The following ZNF469 variants were observed in gnomAD, a reference collection of about 807,000 sequenced individuals.
ZNF469 encodes zinc finger protein 469.
ZNF469 carries 1 observed loss-of-function variant against 1.0 expected under a neutral mutation model. The observed-to-expected ratio is 1.00, with a 90% CI of 0.35 to 4.73. The LOEUF (loss-of-function observed/expected upper bound fraction) is 4.73. Ranked by LOEUF, ZNF469 falls within the 30% of genes most tolerant of loss-of-function variation. ZNF469 has a pLI of 0.16. For missense variants in ZNF469, 6,100 were observed against 5,356.3 expected, an observed-to-expected ratio of 1.14 and a Z score of -4.33; for synonymous variants, 2,703 against 2,363.4, an observed-to-expected ratio of 1.14 and a Z score of -4.17.
intron 1 of ZNF469, among the ~76,000 whole-genome samples, chr16:88,422,263 G>C (rs867509693): frequency 7.2e-6 from 1 of 139,662 alleles, no homozygotes; most frequent in Non-Finnish European, 1.6e-5. Context: ...GGATGGATGG[G>C]TGGATGGATA....
chr16:88,255,239 C>G, the ZNF469 span, among the ~76,000 whole-genome samples: 1 of 152,298 alleles, frequency 6.6e-6, no homozygotes, highest in African/African-American at 2.4e-5. Flanking sequence ...TCATTCATTC[C>G]TCAAACATTT....
At chr16:88,314,555 G>T in the ZNF469 span, among the ~76,000 whole-genome samples, 1 of 149,874 alleles carries the variant, frequency 6.7e-6, no homozygotes, top group African/African-American at 2.5e-5. Flanking sequence ...TGCTGGTGTG[G>T]ACTGTCATCT....
At chr16:88,193,003 ATGGTGGTGATGGTGG>A in the ZNF469 span, among the ~76,000 whole-genome samples, 3 of 106,442 alleles carry the variant, frequency 2.8e-5, no homozygotes, top group African/African-American at 4.0e-5. Flanking sequence ...GGTGGTGGTG[ATGGTGGTGATGGTGG>A]TGGTGGTGAT....
At chr16:88,398,280 C>T (rs1204239527) in intron 1 of ZNF469, among the ~76,000 whole-genome samples, 1 of 152,202 alleles carries the variant, frequency 6.6e-6, no homozygotes, top group African/African-American at 2.4e-5. Flanking sequence ...CAAAGGGAAA[C>T]GTGAACCACA....
chr16:88,187,770 T>G, the ZNF469 span, among the ~76,000 whole-genome samples: 1 of 151,528 alleles, frequency 6.6e-6, no homozygotes, highest in Non-Finnish European at 1.5e-5. Flanking sequence ...GAATGCTGTA[T>G]TAAAATGCAG....
the ZNF469 span, among the ~76,000 whole-genome samples, chr16:88,158,038 C>G: frequency 2.0e-5 from 3 of 151,982 alleles, no homozygotes. Flanking sequence ...GGTCCTGCTG[C>G]GGGGATGCTC....
In ZNF469 at chr16:88,432,671, A is replaced by C; in HGVS notation, c.5201A>C (p.Asp1734Ala). ...AGCAAGCAGCCTGGCCCACAGCTGG[A>C]TGCCGGGAGTTTAGCAAAGTGCAGC... ...EPSKQPGPQL[D>A]AGSLAKCSPD... Residue 1734 changes from aspartate to alanine, a missense_variant, in exon 3 of 3, where the codon GAT becomes GCT. Transcript: ENST00000565624. 1 of 1,550,440 alleles carries C rather than the reference A, an allele frequency of 6.4e-7. No individual in the cohort carries two copies. Among genetic ancestry groups the C allele is most frequent in the South Asian group, 1.2e-5 (1 of 84,058 alleles).
chr16:88,244,140 CATGGGTGG>C, the ZNF469 span, among the ~76,000 whole-genome samples: 1 of 96,788 alleles, frequency 1.0e-5, no homozygotes, highest in Non-Finnish European at 2.1e-5. Flanking sequence ...TGGATGGGTG[CATGGGTGG>C]ATGGGTGGAT....
chr16:88,284,551 T>C, the ZNF469 span, among the ~76,000 whole-genome samples: 2 of 143,500 alleles, frequency 1.4e-5, no homozygotes, highest in Admixed American at 1.5e-4. Context: ...GTCAAGGCTG[T>C]AGTGAGCTGT....
the ZNF469 span, among the ~76,000 whole-genome samples, chr16:88,256,928 T>G: frequency 7.3e-5 from 1 of 13,768 alleles, no homozygotes; most frequent in Non-Finnish European, 1.3e-4. Context: ...CTTTCTTTCT[T>G]TCTTTCTTTC....
the ZNF469 span, among the ~76,000 whole-genome samples, chr16:88,204,156 G>A: frequency 6.6e-5 from 10 of 150,702 alleles, no homozygotes; most frequent in South Asian, 6.3e-4. Flanking sequence ...TAGAGCAGCC[G>A]GAGGCGCCCC....
chr16:88,392,210 C>T (rs746842744), intron 1 of ZNF469, among the ~76,000 whole-genome samples: 9 of 152,278 alleles, frequency 5.9e-5, no homozygotes, highest in Non-Finnish European at 1.0e-4. Flanking sequence ...CAGGAAGTCG[C>T]GTGCGCTCTG....
At chr16:88,415,478 C>G (rs1034427534) in intron 1 of ZNF469, among the ~76,000 whole-genome samples, 1 of 152,240 alleles carries the variant, frequency 6.6e-6, no homozygotes, top group African/African-American at 2.4e-5. Context: ...AGTGCTGTGC[C>G]CATTTTACAG....
Position 88,427,819 on chromosome 16 carries a change from C to G in ZNF469, c.349C>G (p.Pro117Ala), listed in dbSNP as rs754318367. Residue 117 changes from proline to alanine, a missense_variant, in exon 3 of 3, where the codon CCA (proline) becomes GCA (alanine). Pro to Ala is a conservative substitution (Grantham distance 27). Transcript: ENST00000565624. ...RLAGRAEGSP[P>A]QRYILGIASS... is the part of the protein sequence containing the mutation. ...GGCGGGCAGGGCAGAGGGCAGCCCC[C>G]CACAGCGCTACATTCTGGGCATCGC... 13 of 1,548,522 alleles carry G rather than the reference C, an allele frequency of 8.4e-6. No individual in the cohort carries two copies. Among genetic ancestry groups the G allele is most frequent in the Middle Eastern group, 3.3e-4 (2 of 5,990 alleles).
the ZNF469 span, among the ~76,000 whole-genome samples, chr16:88,278,599 G>A: frequency 7.8e-6 from 1 of 128,678 alleles, no homozygotes; most frequent in Non-Finnish European, 1.7e-5. Context: ...GCTGTGCCAC[G>A]CTGACACTCG....
the ZNF469 span, among the ~76,000 whole-genome samples, chr16:88,341,908 G>A: frequency 6.6e-6 from 1 of 152,242 alleles, no homozygotes; most frequent in Non-Finnish European, 1.5e-5. Flanking sequence ...GGCCATCTGG[G>A]AAGGCCGTGA....
chr16:88,430,843 G>A lies in ZNF469; in HGVS notation c.3373G>A (p.Glu1125Lys), dbSNP rs2142303892. Residue 1125 changes from glutamate (E) to lysine (K), a missense_variant, in exon 3 of 3, where the codon GAG becomes AAG. By Grantham distance (56) the Glu-to-Lys change is moderately conservative. Coordinates refer to ENST00000565624, the MANE Select transcript of ZNF469 (RefSeq NM_001367624.2). ...RGRGEKRKEV[E>K]LTQGPREDEP... ...CCGAGGCGAGAAGAGGAAGGAAGTG[G>A]AGCTGACCCAGGGTCCCAGAGAGGA... The A allele has an allele frequency of 6.5e-7, 1 of 1,536,140 alleles. No individual in the cohort carries two copies. Among genetic ancestry groups the A allele is most frequent in the East Asian group, 2.5e-5 (1 of 40,806 alleles).
chr16:88,370,360 G>C, the ZNF469 span, among the ~76,000 whole-genome samples: 4 of 152,142 alleles, frequency 2.6e-5, no homozygotes, highest in Admixed American at 6.5e-5. Context: ...CCACCTCATG[G>C]TGGGCCCCTC....
At chr16:88,409,518 G>A (rs950742054) in intron 1 of ZNF469, among the ~76,000 whole-genome samples, 9 of 152,288 alleles carry the variant, frequency 5.9e-5, no homozygotes, top group African/African-American at 1.9e-4. Flanking sequence ...GGCAGCAGCC[G>A]GGAGTGTGGG....
Sources: allele counts gnomAD v4.1 joint callset (sites outside exome capture counted in the v4.1 genomes callset), GRCh38; gene constraint gnomAD v4.1.1; transcripts MANE v1.5; gene names NCBI Gene and HGNC (gene_info 2026-07-23, HGNC 2026-07-21).